Variants in FBXL22 observed in about 807,000 individuals in gnomAD.
FBXL22 encodes the protein F-box and leucine rich repeat protein 22, also known as F-box and leucine-rich protein 22.
In FBXL22, 13 loss-of-function variants were observed where a neutral mutation model predicts 11.7. The observed-to-expected ratio is 1.11, with a 90% CI of 0.73 to 1.77. The LOEUF (loss-of-function observed/expected upper bound fraction) is 1.77. Ranked by LOEUF, FBXL22 falls within the 40% of genes most tolerant of loss-of-function variation. The pLI, the probability that FBXL22 is intolerant of heterozygous loss-of-function variation, is 0.00. For synonymous variants in FBXL22, 160 were observed against 144.1 expected (o/e 1.11, Z -0.79); for missense variants, 406 against 320.4 (o/e 1.27, Z -2.04).
chr15:63,599,270 T>C (rs2067325286), intron 1 of FBXL22: 3 of 1,521,036 alleles, frequency 2.0e-6, no homozygotes, highest in South Asian at 1.2e-5. Context: ...TGAGGATGGC[T>C]GGGCAGGGGG....
chr15:63,607,462 A>C, the FBXL22 span, among the ~76,000 whole-genome samples: 1 of 152,234 alleles, frequency 6.6e-6, no homozygotes, highest in Non-Finnish European at 1.5e-5. Flanking sequence ...TTAAAGCCTC[A>C]TCTTTACCCA....
chr15:63,604,127 G>A (rs2067401619), downstream of FBXL22, among the ~76,000 whole-genome samples: 1 of 152,074 alleles, frequency 6.6e-6, no homozygotes, highest in Non-Finnish European at 1.5e-5. Flanking sequence ...AATGGATCTG[G>A]GTTTCCATCC....
At chr15:63,598,153 AAG>A (rs1349760133) in intron 1 of FBXL22, among the ~76,000 whole-genome samples, 2 of 152,114 alleles carry the variant, frequency 1.3e-5, no homozygotes, top group African/African-American at 4.8e-5. Flanking sequence ...CTACGGAGGA[AAG>A]AGAGGGTGGG....
intron 1 of FBXL22, chr15:63,600,297 C>G: frequency 9.9e-7 from 1 of 1,008,484 alleles, no homozygotes; most frequent in Non-Finnish European, 1.2e-6. Flanking sequence ...CAGCTTGAAG[C>G]TAGACTGGAG....
Position 63,601,157 on chromosome 15 carries a change from T to A in FBXL22, c.*118T>A. 2 of 1,414,846 alleles carry A rather than the reference T, an allele frequency of 1.4e-6. No individual in the cohort carries two copies. The highest frequency in any genetic ancestry group is 1.8e-6 in the Non-Finnish European group (2 of 1,090,712). The allele number at this position is 1,414,846 out of a possible 1,614,324, so 87.6% of individuals were successfully genotyped here. A position where few individuals can be genotyped will look rare whatever the true frequency, so the allele number is the denominator to read the frequency against. ...TATTCTGAGCCTCATTTTCCCCGTC[T>A]GCACAGTGGGGATAAGAAAGCCTAC... is the stretch of plus-strand genomic sequence containing the variant. On this transcript the variant is annotated 3_prime_UTR_variant, in exon 2 of 2. Coordinates refer to ENST00000638704, the MANE Select transcript of FBXL22 (RefSeq NM_001367807.1).
At chr15:63,599,117 C>T (rs1347893764) in intron 1 of FBXL22, 3 of 1,281,222 alleles carry the variant, frequency 2.3e-6, no homozygotes, top group African/African-American at 2.9e-5. Context: ...CTCATTTCTT[C>T]TTCTATAAAA....
downstream of FBXL22, among the ~76,000 whole-genome samples, chr15:63,605,418 G>C (rs557679532): frequency 6.6e-6 from 1 of 152,340 alleles, no homozygotes; most frequent in South Asian, 2.1e-4. Flanking sequence ...TAGAAAAGCT[G>C]AGTGCCTGGC....
chr15:63,599,391 GA>G (rs1396871205), intron 1 of FBXL22: 109 of 1,386,014 alleles, frequency 7.9e-5, no homozygotes, highest in Non-Finnish European at 9.4e-5. Flanking sequence ...TAACCACCTT[GA>G]AGGTAACAAT....
At chr15:63,598,665 A>T (rs1334347639) in intron 1 of FBXL22, among the ~76,000 whole-genome samples, 1 of 152,246 alleles carries the variant, frequency 6.6e-6, no homozygotes, top group Non-Finnish European at 1.5e-5. Flanking sequence ...AGACTCAGCC[A>T]GTTTACTGCC....
chr15:63,601,633 C>T (rs2152688962), downstream of FBXL22: 4 of 1,604,702 alleles, frequency 2.5e-6, no homozygotes, highest in Non-Finnish European at 2.6e-6. Flanking sequence ...CGGTTTTGCC[C>T]GCACGCGCGT....
downstream of FBXL22, among the ~76,000 whole-genome samples, chr15:63,604,102 C>T (rs2067401484): frequency 6.6e-6 from 1 of 152,172 alleles, no homozygotes; most frequent in African/African-American, 2.4e-5. Flanking sequence ...CAACAGGATC[C>T]TGGCTTCAGG....
downstream of FBXL22, chr15:63,601,685 G>C (rs778754321): frequency 6.2e-7 from 1 of 1,604,108 alleles, no homozygotes; most frequent in African/African-American, 1.3e-5. Context: ...TTCCCGCAGT[G>C]ACCGCACTCG....
At chr15:63,604,294 A>C (rs2067403242), downstream of FBXL22, among the ~76,000 whole-genome samples, 1 of 152,198 alleles carries the variant, frequency 6.6e-6, no homozygotes, top group Non-Finnish European at 1.5e-5. Context: ...AGGTTGAGCT[A>C]GAATGGGGTA....
rs1044091777 is a variant in FBXL22, at chr15:63,599,134, A to G, written c.353+1389A>G. 32 of 1,411,592 alleles carry G rather than the reference A, an allele frequency of 2.3e-5. No individual in the cohort carries two copies. In the African/African-American group the frequency reaches 3.8e-4, roughly 17 times the overall value. The allele number at this position is 1,411,592 out of a possible 1,614,324, so 87.4% of individuals were successfully genotyped here. The stretch of plus-strand genomic sequence containing the variant: ...CATTTCTTCTTCTATAAAATGTGCT[A>G]AATTTTTCTTATCCAACAGGGTAAG... On this transcript the variant is annotated intron_variant, in intron 1 of 1. Transcript: ENST00000638704.
At chr15:63,600,558 C>T (rs2067350819) in intron 1 of FBXL22, 139 bp from the exon 2 acceptor site, 1 of 1,229,600 alleles carries the variant, frequency 8.1e-7, no homozygotes, top group African/African-American at 1.6e-5. Context: ...ACTTGGAACC[C>T]TGCAGTGTCA....
downstream of FBXL22, among the ~76,000 whole-genome samples, chr15:63,603,513 TTAA>T (rs1290607144): frequency 6.6e-6 from 1 of 152,170 alleles, no homozygotes; most frequent in Non-Finnish European, 1.5e-5. Context: ...GATGGACAGA[TTAA>T]TGTGAGGAAG....
intron 1 of FBXL22, chr15:63,599,253 G>A: frequency 6.5e-7 from 1 of 1,529,640 alleles, no homozygotes; most frequent in Non-Finnish European, 8.7e-7. Context: ...AGGTCGGGAG[G>A]AATGGCTGAG....
chr15:63,601,989 CG>C, downstream of FBXL22: 1 of 340,444 alleles, frequency 2.9e-6, no homozygotes, highest in Non-Finnish European at 5.3e-6. Flanking sequence ...TGAAGGCTCT[CG>C]GCCCCCCGGC....
chr15:63,601,632 C>A (rs770637196), downstream of FBXL22: 5 of 1,604,468 alleles, frequency 3.1e-6, no homozygotes, highest in African/African-American at 1.3e-5. Flanking sequence ...GCGGTTTTGC[C>A]CGCACGCGCG....
Sources: allele counts gnomAD v4.1 joint callset (sites outside exome capture counted in the v4.1 genomes callset), GRCh38; gene constraint gnomAD v4.1.1; transcripts MANE v1.5; gene names NCBI Gene and HGNC (gene_info 2026-07-23, HGNC 2026-07-21).